COL22A1: variants seen among roughly 807,000 people sequenced by gnomAD.
The protein encoded by COL22A1 is collagen type XXII alpha 1 chain.
Under a neutral mutation model 248.9 loss-of-function variants are expected in COL22A1, and 221 were observed. The observed-to-expected ratio is 0.89, with a 90% CI of 0.80 to 0.99. The LOEUF is 0.99. COL22A1 is among the 50% of genes least tolerant of loss of function. The pLI, the probability that COL22A1 is intolerant of heterozygous loss-of-function variation, is 0.00. For synonymous variants in COL22A1, 891 were observed against 793.4 expected (o/e 1.12, Z -2.07); for missense variants, 2,240 against 2,179.0 (o/e 1.03, Z -0.56).
At chr8:138,602,094 G>C in intron 60 of COL22A1, 21 bp downstream of exon 60, 2 of 1,614,004 alleles carry the variant, frequency 1.2e-6, no homozygotes, top group Non-Finnish European at 1.7e-6. Flanking sequence ...CGTGTTCAAG[G>C]TGCCTGTGCT....
At position 138,684,949 on chromosome 8, in the gene COL22A1, G is replaced by C. The variant is rs200922061; in HGVS notation, c.2967+259C>G. On this transcript the variant is annotated intron_variant, in intron 38 of 64. Coordinates refer to ENST00000303045, the MANE Select transcript of COL22A1 (RefSeq NM_152888.3). ...GCTGTGGGGATGTGTTTGCCTGACT[G>C]TCTCTCCATGAGATGGGAGCATCTC... is the stretch of plus-strand genomic sequence containing the variant. Among the ~76,000 whole-genome samples the C allele has an allele frequency of 1.7e-3, 260 of 152,268 alleles. 5 individuals carry two copies. Among genetic ancestry groups the C allele is most frequent in the East Asian group, 0.013 (66 of 5,164 alleles).
At chr8:138,810,638 C>T (rs1343411434) in intron 9 of COL22A1, among the ~76,000 whole-genome samples, 1 of 152,162 alleles carries the variant, frequency 6.6e-6, no homozygotes, top group African/African-American at 2.4e-5. Flanking sequence ...GGCCAGAGTT[C>T]GATGTCCGAA....
At chr8:138,773,007 C>T (rs1395509208) in intron 16 of COL22A1, among the ~76,000 whole-genome samples, 1 of 152,254 alleles carries the variant, frequency 6.6e-6, no homozygotes, top group Non-Finnish European at 1.5e-5. Flanking sequence ...GGCCTAGCTG[C>T]AGACACTGAG....
chr8:138,899,532 CTTTT>C (rs372519897), intron 1 of COL22A1, among the ~76,000 whole-genome samples: 1 of 150,978 alleles, frequency 6.6e-6, no homozygotes, highest in Admixed American at 6.6e-5. Flanking sequence ...TCATAATTTT[CTTTT>C]TTTTTGAGAG....
Position 138,826,685 on chromosome 8 carries a change from C to A in COL22A1, c.942G>T (p.Gln314His). The A allele has an allele frequency of 6.2e-7, 1 of 1,613,960 alleles. No homozygotes were observed. The highest frequency in any genetic ancestry group is 8.5e-7 in the Non-Finnish European group (1 of 1,179,894). The change falls in exon 6 of 65, where the codon CAG becomes CAT. Residue 314 changes from glutamine to histidine, a missense_variant. Gln to His is a conservative substitution (Grantham distance 24). Transcript: ENST00000303045. The stretch of plus-strand genomic sequence containing the variant: ...GTGGGATGCTGTACTGGTCGATGAC[C>A]TGCCAGATATACCAGTCTTCCTTCC... ...TSRKEDWYIW[Q>H]VIDQYSIPQV...
At position 138,652,744 on chromosome 8, in the gene COL22A1, T is replaced by G. The variant is rs1822869548; in HGVS notation, c.3334-2966A>C. Among the ~76,000 whole-genome samples the G allele has an allele frequency of 4.2e-5, 4 of 95,634 alleles. No individual in the cohort carries two copies. The Admixed American group carries it at 4.3e-4, about 10-fold the overall frequency. 62.7% of individuals were successfully genotyped at this position (95,634 alleles called of 152,430 possible). ...TTCTTTTCCTTTTCTGGTTTTTTTT[T>G]TTTTTTTTTTTTTTTTTTTGGAGAC... On this transcript the variant is annotated intron_variant, in intron 45 of 64. Coordinates refer to ENST00000303045, the MANE Select transcript of COL22A1 (RefSeq NM_152888.3).
intron 3 of COL22A1, among the ~76,000 whole-genome samples, chr8:138,854,342 G>T (rs1197727899): frequency 2.0e-5 from 3 of 152,162 alleles, no homozygotes; most frequent in African/African-American, 7.2e-5. Context: ...AAGAGCCTCT[G>T]CCCTCCTGAA....
intron 23 of COL22A1, among the ~76,000 whole-genome samples, chr8:138,730,858 T>C (rs1830658172): frequency 1.3e-5 from 2 of 148,672 alleles, no homozygotes; most frequent in Non-Finnish European, 3.0e-5. Context: ...CACAGGAGGA[T>C]GGAGCTGCTG....
chr8:138,897,518 C>A (rs1814206096), intron 1 of COL22A1, among the ~76,000 whole-genome samples: 1 of 151,708 alleles, frequency 6.6e-6, no homozygotes, highest in East Asian at 1.9e-4. Flanking sequence ...CACTGCACTG[C>A]AGCCTAGTGA....
chr8:138,698,540 A>G lies in COL22A1; in HGVS notation c.2592+1572T>C, dbSNP rs540761848. 2.6e-5 allele frequency among the ~76,000 whole-genome samples: 4 copies of G among 152,320 alleles called. No individual in the cohort carries two copies. In the East Asian group the frequency reaches 7.7e-4, roughly 29 times the overall value. The stretch of plus-strand genomic sequence containing the variant: ...CCCCTCTCTGGGAGAGCAGGTGAGA[A>G]GACAGGGTGGCAGAAAGGTAAGGGA... On this transcript the variant is annotated intron_variant, in intron 32 of 64. Coordinates refer to ENST00000303045, the MANE Select transcript of COL22A1 (RefSeq NM_152888.3).
chr8:138,661,241 AT>A (rs1400019803), intron 43 of COL22A1, among the ~76,000 whole-genome samples: 1 of 152,022 alleles, frequency 6.6e-6, no homozygotes, highest in African/African-American at 2.4e-5. Flanking sequence ...AAATTTGAAT[AT>A]TTTGAAGCAG....
intron 41 of COL22A1, among the ~76,000 whole-genome samples, chr8:138,668,772 G>A (rs1402466707): frequency 6.6e-6 from 1 of 152,246 alleles, no homozygotes. Context: ...CTTATGTGAA[G>A]CACTCCAGGT....
chr8:138,746,141 C>G (rs562289971), intron 22 of COL22A1, among the ~76,000 whole-genome samples: 4 of 152,268 alleles, frequency 2.6e-5, no homozygotes, highest in Admixed American at 2.0e-4. Context: ...TTTACTTTGC[C>G]GAGGATTATC....
At chr8:138,911,812 C>T (rs1815472964) in intron 1 of COL22A1, among the ~76,000 whole-genome samples, 1 of 152,188 alleles carries the variant, frequency 6.6e-6, no homozygotes, top group African/African-American at 2.4e-5. Context: ...AAAAACCAGA[C>T]ACAAACTTCT....
intron 3 of COL22A1, among the ~76,000 whole-genome samples, chr8:138,847,737 G>C (rs531448098): frequency 1.3e-5 from 2 of 151,536 alleles, no homozygotes; most frequent in Non-Finnish European, 2.9e-5. Context: ...TTGGGGGACT[G>C]TCTAGGAGAA....
At chr8:138,768,177 G>A (rs996365353) in intron 16 of COL22A1, among the ~76,000 whole-genome samples, 3 of 152,154 alleles carry the variant, frequency 2.0e-5, no homozygotes, top group African/African-American at 7.2e-5. Flanking sequence ...ATCCATTTCT[G>A]GACATCCTTC....
At chr8:138,796,888 T>A in intron 11 of COL22A1, 31 bp from the exon 12 acceptor site, 2 of 1,461,970 alleles carry the variant, frequency 1.4e-6, no homozygotes, top group Non-Finnish European at 9.6e-7. Context: ...AAAGATTCAC[T>A]ACAGAGCATC....
chr8:138,767,313 G>A (rs747341890), intron 16 of COL22A1, among the ~76,000 whole-genome samples: 12 of 152,144 alleles, frequency 7.9e-5, no homozygotes, highest in Non-Finnish European at 1.6e-4. Context: ...CAGCAACAGG[G>A]GAACAGCAGA....
intron 38 of COL22A1, 121 bp from the exon 39 acceptor site, chr8:138,684,590 G>C (rs1471190058): frequency 1.3e-5 from 10 of 743,658 alleles, no homozygotes; most frequent in Non-Finnish European, 2.4e-5. Flanking sequence ...GACTCACTAT[G>C]ACCTGACTTG....
Sources: allele counts gnomAD v4.1 joint callset (sites outside exome capture counted in the v4.1 genomes callset), GRCh38; gene constraint gnomAD v4.1.1; transcripts MANE v1.5; gene names NCBI Gene and HGNC (gene_info 2026-07-23, HGNC 2026-07-21).